Variants in GABRA2 observed in about 807,000 individuals in gnomAD.
The protein encoded by GABRA2 is gamma-aminobutyric acid receptor subunit alpha-2.
In GABRA2, 16 loss-of-function variants were observed where a neutral mutation model predicts 48.7. The observed-to-expected ratio is 0.33, with a 90% CI of 0.22 to 0.50. The LOEUF is 0.50. Among genes scored for constraint, GABRA2 ranks in the 20% least tolerant of loss-of-function variants. The pLI is 0.98. For synonymous variants in GABRA2, 185 were observed against 184.5 expected (o/e 1.00, Z -0.02); for missense variants, 275 against 535.6 (o/e 0.51, Z 4.80).
chr4:46,340,938 T>C (rs1733113973), intron 3 of GABRA2, among the ~76,000 whole-genome samples: 2 of 152,080 alleles, frequency 1.3e-5, no homozygotes, highest in Non-Finnish European at 2.9e-5. Context: ...TTTTCTTATG[T>C]TCCTTAGAAT....
At chr4:46,310,560 C>A (rs7678520) in intron 5 of GABRA2, among the ~76,000 whole-genome samples, 12,563 of 152,050 alleles carry the variant, frequency 0.083, 1,698 homozygotes, top group African/African-American at 0.29. Context: ...TCACTATTAA[C>A]ACTTGAAATC....
intron 3 of GABRA2, among the ~76,000 whole-genome samples, chr4:46,360,630 G>T (rs1713030366): frequency 6.6e-6 from 1 of 152,186 alleles, no homozygotes; most frequent in African/African-American, 2.4e-5. Context: ...GTAGAGTGGG[G>T]TGCTCCTTAA....
intron 3 of GABRA2, among the ~76,000 whole-genome samples, chr4:46,370,734 T>A (rs1714756088): frequency 6.6e-6 from 1 of 152,144 alleles, no homozygotes; most frequent in Non-Finnish European, 1.5e-5. Context: ...AAAGCAGCCT[T>A]TGTGTCCTTC....
chr4:46,299,710 C>T (rs1725405094), intron 8 of GABRA2, among the ~76,000 whole-genome samples: 1 of 146,244 alleles, frequency 6.8e-6, no homozygotes, highest in Non-Finnish European at 1.5e-5. Context: ...AACCACATTA[C>T]AAGTATTTTC....
chr4:46,305,275 A>AG (rs1315230893), intron 7 of GABRA2, among the ~76,000 whole-genome samples: 2 of 52,114 alleles, frequency 3.8e-5, no homozygotes, highest in African/African-American at 1.6e-4. Context: ...GGGTGGGGGG[A>AG]GGGGGGAGGG....
chr4:46,319,673 A>G (rs1032850468), intron 4 of GABRA2, among the ~76,000 whole-genome samples: 5 of 151,852 alleles, frequency 3.3e-5, no homozygotes, highest in Non-Finnish European at 7.4e-5. Flanking sequence ...GTTGCAGAAC[A>G]ACATAGCTAC....
intron 1 of GABRA2, 184 bp downstream of exon 1, chr4:46,389,551 A>T (rs2109394537): frequency 2.3e-6 from 1 of 441,472 alleles, no homozygotes; most frequent in Non-Finnish European, 3.0e-6. Flanking sequence ...AGTTGCAAAT[A>T]TGCTTCTGGT....
intron 8 of GABRA2, 124 bp downstream of exon 8, chr4:46,303,336 G>C: frequency 2.2e-6 from 2 of 901,880 alleles, no homozygotes; most frequent in Non-Finnish European, 3.6e-6. Flanking sequence ...CACCTATAAG[G>C]CAAAAACAAT....
At chr4:46,342,649 GTTTTA>G (rs1733460986) in intron 3 of GABRA2, among the ~76,000 whole-genome samples, 1 of 151,836 alleles carries the variant, frequency 6.6e-6, no homozygotes, top group Non-Finnish European at 1.5e-5. Context: ...TCACCTTACT[GTTTTA>G]TTTTATTTTT....
rs201391789 is a variant in GABRA2, at chr4:46,332,651, G to A, written c.219C>T (p.Tyr73=). The stretch of plus-strand genomic sequence containing the variant: ...CTGAGACAGGGCCAAAACTGGTCAC[G>A]TAGATGTTAGTGAAGACTTCAGTAA... ...DSITEVFTNI[Y]VTSFGPVSDT... is the part of the protein sequence containing the mutation. The change falls in exon 4 of 10, where the codon TAC becomes TAT. Residue 73 remains tyrosine, a synonymous_variant. Transcript: ENST00000381620. The A allele has an allele frequency of 8.2e-6, 13 of 1,594,918 alleles. No homozygotes were observed. Among genetic ancestry groups the A allele is most frequent in the South Asian group, 1.1e-5 (1 of 90,720 alleles).
intron 3 of GABRA2, chr4:46,367,762 A>C (rs944683425): frequency 1.3e-5 from 2 of 152,138 alleles, no homozygotes; most frequent in Non-Finnish European, 2.9e-5. Flanking sequence ...TGTGTCACCA[A>C]ACAGTTTGTA....
At chr4:46,337,650 C>CA (rs71652880) in intron 3 of GABRA2, among the ~76,000 whole-genome samples, 4,494 of 107,644 alleles carry the variant, frequency 0.042, 173 homozygotes, top group African/African-American at 0.1. Context: ...TTGTTAAGAC[C>CA]AAAAAAAAAA....
At chr4:46,290,067 G>A (rs1370415449) in intron 8 of GABRA2, among the ~76,000 whole-genome samples, 16 of 146,480 alleles carry the variant, frequency 1.1e-4, no homozygotes, top group Non-Finnish European at 2.3e-4. Flanking sequence ...GCCCGCCACC[G>A]TGCCCGGCTC....
intron 3 of GABRA2, among the ~76,000 whole-genome samples, chr4:46,357,051 C>T (rs921553057): frequency 1.3e-5 from 2 of 151,582 alleles, no homozygotes; most frequent in Non-Finnish European, 2.9e-5. Context: ...GATAAGCACA[C>T]AAGTTTGGAC....
intron 9 of GABRA2, among the ~76,000 whole-genome samples, chr4:46,255,546 A>G (rs1457687661): frequency 2.0e-5 from 3 of 151,582 alleles, no homozygotes; most frequent in Non-Finnish European, 4.4e-5. Context: ...TATATTTTTT[A>G]TATATTATCT....
intron 3 of GABRA2, among the ~76,000 whole-genome samples, chr4:46,334,907 C>CCAATAG (rs1487025745): frequency 6.6e-6 from 1 of 152,128 alleles, no homozygotes; most frequent in Non-Finnish European, 1.5e-5. Flanking sequence ...CGATGAACAT[C>CCAATAG]CAATAGTGTC....
chr4:46,355,011 C>T (rs917542058), intron 3 of GABRA2, among the ~76,000 whole-genome samples: 1 of 152,124 alleles, frequency 6.6e-6, no homozygotes, highest in Non-Finnish European at 1.5e-5. Context: ...ACAGACCTCA[C>T]AGGCAGCCAT....
intron 3 of GABRA2, among the ~76,000 whole-genome samples, chr4:46,384,056 C>A (rs959035646): frequency 1.1e-4 from 16 of 152,094 alleles, no homozygotes; most frequent in African/African-American, 3.9e-4. Flanking sequence ...AACTCAACAA[C>A]CCTAAAGGTA....
chr4:46,267,912 T>C (rs981052927), intron 8 of GABRA2, among the ~76,000 whole-genome samples: 17 of 152,088 alleles, frequency 1.1e-4, no homozygotes, highest in Admixed American at 1.1e-3. Context: ...GGATGCTGTT[T>C]CAGATTTTTC....
Sources: gnomAD v4.1 joint callset for allele counts (sites outside exome capture counted in the v4.1 genomes callset) on GRCh38, gnomAD v4.1.1 for gene constraint, MANE v1.5 for transcripts, NCBI Gene and HGNC (gene_info 2026-07-23, HGNC 2026-07-21) for gene names.